Variants in FBXW10 observed in about 807,000 individuals in gnomAD.
The protein encoded by FBXW10 is F-box/WD repeat-containing protein 10.
FBXW10 carries 68 observed loss-of-function variants against 113.1 expected under a neutral mutation model. The ratio of observed to expected loss-of-function variants is 0.60; its 90% CI spans 0.49 to 0.74. FBXW10 has a LOEUF of 0.74. FBXW10 is among the 30% of genes least tolerant of loss of function. The probability of loss-of-function intolerance (pLI) is 0.00; values close to 1 mark genes in which losing one functional copy is unlikely to be tolerated. For missense variants in FBXW10, 753 were observed against 1,284.5 expected (o/e 0.59, Z 6.32); for synonymous variants, 289 against 481.6 (o/e 0.60, Z 5.24).
At chr17:18,773,488 G>A (rs1022022263) in intron 12 of FBXW10, among the ~76,000 whole-genome samples, 34 of 152,208 alleles carry the variant, frequency 2.2e-4, no homozygotes, top group African/African-American at 8.0e-4. Context: ...AAGCAGGTGT[G>A]TGTGTGTTTG....
At chr17:18,777,302 G>C (rs1162593537) in intron 13 of FBXW10, among the ~76,000 whole-genome samples, 2 of 151,958 alleles carry the variant, frequency 1.3e-5, no homozygotes, top group African/African-American at 4.8e-5. Flanking sequence ...GACCTCAGGT[G>C]ATCTACCCAC....
chr17:18,763,709 G>C (rs1187633230), intron 7 of FBXW10, among the ~76,000 whole-genome samples: 2 of 152,176 alleles, frequency 1.3e-5, no homozygotes, highest in African/African-American at 2.4e-5. Context: ...ATTCATCTTT[G>C]CTCCCATCTA....
chr17:18,744,185 GT>G lies in FBXW10; in HGVS notation c.-57del, dbSNP rs2151779519. ...TATTCATTCCCCCCGTTCCTCTAGT[GT>G]TTGGTGGCGTTGCCGTTGCAAGTGC... On this transcript the variant is annotated 5_prime_UTR_variant, in exon 1 of 14. Transcript: ENST00000395665. 6.5e-7 allele frequency: 1 copy of G among 1,536,966 alleles called. No individual in the cohort carries two copies. The highest frequency in any genetic ancestry group is 2.0e-5 in the Admixed American group (1 of 50,868).
chr17:18,776,021 G>GAAAA (rs71954242), intron 13 of FBXW10, among the ~76,000 whole-genome samples: 7 of 143,892 alleles, frequency 4.9e-5, no homozygotes, highest in Admixed American at 6.9e-5. Context: ...TTAAAGAAAA[G>GAAAA]AAAAAAAAAA....
At position 18,771,285 on chromosome 17, in the gene FBXW10, G is replaced by C. The variant is rs1397076192; in HGVS notation, c.2007-1127G>C. On this transcript the variant is annotated intron_variant, in intron 11 of 13. Transcript: ENST00000395665. The stretch of plus-strand genomic sequence containing the variant: ...GTTACTTTTCTAGAGAGTTTATGCT[G>C]TTGGTTAAGGTCTTAACACTGCAGC... Among the ~76,000 whole-genome samples, 5 of 152,166 alleles carry C rather than the reference G, an allele frequency of 3.3e-5. No homozygotes were observed. The East Asian group carries it at 9.6e-4, about 29-fold the overall frequency.
chr17:18,773,700 C>G (rs1193858966), intron 12 of FBXW10, among the ~76,000 whole-genome samples: 3 of 152,212 alleles, frequency 2.0e-5, no homozygotes, highest in African/African-American at 7.2e-5. Flanking sequence ...AGTCAGCTAT[C>G]TCTTGAGAGG....
At chr17:18,750,177 G>A in intron 4 of FBXW10, 40 bp downstream of exon 4, 8 of 1,565,818 alleles carry the variant, frequency 5.1e-6, no homozygotes, top group South Asian at 1.2e-5. Context: ...TCTGAGACCA[G>A]CTTCATTTTC....
intron 5 of FBXW10, among the ~76,000 whole-genome samples, chr17:18,755,640 A>G (rs549709184): frequency 6.6e-6 from 1 of 152,318 alleles, no homozygotes; most frequent in Admixed American, 6.5e-5. Context: ...GCTTTGTACT[A>G]TCACGTAGAT....
chr17:18,752,355 C>A (rs983926522), intron 5 of FBXW10, among the ~76,000 whole-genome samples: 2 of 152,174 alleles, frequency 1.3e-5, no homozygotes, highest in African/African-American at 2.4e-5. Flanking sequence ...TATGTGAAAT[C>A]TCTTGCTTTT....
chr17:18,767,274 C>T (rs1389556321), intron 9 of FBXW10, among the ~76,000 whole-genome samples: 2 of 151,834 alleles, frequency 1.3e-5, no homozygotes, highest in African/African-American at 4.8e-5. Flanking sequence ...AGTTCGAGAC[C>T]AGCCTGACCA....
chr17:18,769,888 G>A, intron 10 of FBXW10, 39 bp from the exon 11 acceptor site: 1 of 1,599,242 alleles, frequency 6.3e-7, no homozygotes, highest in Non-Finnish European at 8.5e-7. Flanking sequence ...GGCATTTTAC[G>A]AGAGGATGGG....
intron 11 of FBXW10, 138 bp downstream of exon 11, chr17:18,770,223 G>A: frequency 3.7e-6 from 5 of 1,353,606 alleles, no homozygotes; most frequent in Non-Finnish European, 5.2e-6. Context: ...TTCTGGCTGG[G>A]TGGAGCAATA....
chr17:18,772,761 G>A, intron 12 of FBXW10, 78 bp downstream of exon 12: 6 of 1,254,096 alleles, frequency 4.8e-6, no homozygotes, highest in Admixed American at 2.1e-5. Flanking sequence ...GTGGGAGACG[G>A]GGAGGACTGG....
chr17:18,747,979 G>A lies in FBXW10; in HGVS notation c.544G>A (p.Glu182Lys). 6.2e-7 allele frequency: 1 copy of A among 1,613,790 alleles called. No homozygotes were observed. The highest frequency in any genetic ancestry group is 1.1e-5 in the South Asian group (1 of 91,070). The change falls in exon 2 of 14, where the codon GAG becomes AAG. Residue 182 changes from glutamate to lysine, a missense_variant. Coordinates refer to ENST00000395665, the MANE Select transcript of FBXW10 (RefSeq NM_001267585.2). ...QDITDVCFSP[E>K]KDHSSKSATS... is the part of the protein sequence containing the mutation. ...CATCACAGATGTGTGTTTTTCCCCTGAGAAAGACCACAGCTCCAAGTCTGC... is the reference window on the plus strand; with the variant it reads ...CATCACAGATGTGTGTTTTTCCCCTAAGAAAGACCACAGCTCCAAGTCTGC...
rs772729001 is a variant in FBXW10, at chr17:18,769,977, C to G, written c.1898C>G (p.Ala633Gly). The G allele has an allele frequency of 6.2e-7, 1 of 1,614,170 alleles. No homozygotes were observed. Among genetic ancestry groups the G allele is most frequent in the South Asian group, 1.1e-5 (1 of 91,088 alleles). The part of the protein sequence containing the change: ...LLFLRVISAC[A>G]DGKIRIYNFL... ...TTCCTCCGGGTCATCAGCGCCTGTG[C>G]AGATGGCAAGATCCGAATTTACAAT... The change falls in exon 11 of 14, where the codon GCA becomes GGA. Residue 633 changes from alanine (A) to glycine (G), a missense_variant. Physicochemically the swap from Ala to Gly is moderately conservative, Grantham distance 60. Coordinates refer to ENST00000395665, the MANE Select transcript of FBXW10 (RefSeq NM_001267585.2).
intron 10 of FBXW10, among the ~76,000 whole-genome samples, chr17:18,769,281 A>G (rs1430281391): frequency 6.6e-6 from 1 of 152,202 alleles, no homozygotes; most frequent in Non-Finnish European, 1.5e-5. Flanking sequence ...AATTCTCAGC[A>G]TGACTATTGT....
At position 18,756,069 on chromosome 17, in the gene FBXW10, T is replaced by A; in HGVS notation, c.1147T>A (p.Tyr383Asn). Residue 383 changes from tyrosine (Y) to asparagine (N), a missense_variant, in exon 6 of 14, where the codon TAC (tyrosine) becomes AAC (asparagine). Tyr to Asn is a moderately radical substitution (Grantham distance 143). Transcript: ENST00000395665. ...TKNEYNLWTA[Y>N]QNEETQQVLI... Reference sequence around the variant, plus strand: ...GAATGAGTACAACCTGTGGACTGCATACCAGAACGAGGAAACGCAGCAGGT... The same window carrying A: ...GAATGAGTACAACCTGTGGACTGCAAACCAGAACGAGGAAACGCAGCAGGT... 6.2e-7 allele frequency: 1 copy of A among 1,613,958 alleles called. No homozygotes were observed. The highest frequency in any genetic ancestry group is 8.5e-7 in the Non-Finnish European group (1 of 1,179,850).
chr17:18,765,097 GA>G (rs547248070), intron 8 of FBXW10, among the ~76,000 whole-genome samples: 14 of 151,674 alleles, frequency 9.2e-5, no homozygotes, highest in African/African-American at 2.4e-5. Context: ...GTGCTGAGGA[GA>G]AAAAAAATAA....
intron 7 of FBXW10, among the ~76,000 whole-genome samples, chr17:18,759,030 C>T (rs1046038693): frequency 1.1e-4 from 16 of 151,918 alleles, no homozygotes; most frequent in African/African-American, 1.7e-4. Flanking sequence ...ATTAGCTGGG[C>T]GTGGTGGCGG....
Sources: allele counts gnomAD v4.1 joint callset (sites outside exome capture counted in the v4.1 genomes callset), GRCh38; gene constraint gnomAD v4.1.1; transcripts MANE v1.5; gene names NCBI Gene and HGNC (gene_info 2026-07-23, HGNC 2026-07-21).